CPHXL2: variants seen among roughly 807,000 people sequenced by gnomAD.
CPHXL2 encodes the protein cytoplasmic polyadenylated homeobox like 2, also known as cytoplasmic polyadenylated homeobox-like protein 2.
chr16:75,667,456 A>G, the CPHXL2 span, among the ~76,000 whole-genome samples: 1 of 152,320 alleles, frequency 6.6e-6, no homozygotes, highest in South Asian at 2.1e-4. Flanking sequence ...CAAGCAACCA[A>G]TAAATCTGCA....
the CPHXL2 span, among the ~76,000 whole-genome samples, chr16:75,664,625 CAAAAAAA>C: frequency 1.8e-5 from 2 of 113,094 alleles, no homozygotes; most frequent in Non-Finnish European, 1.7e-5. Context: ...AACTCCATCT[CAAAAAAA>C]AAAAAAAAAA....
the CPHXL2 span, among the ~76,000 whole-genome samples, chr16:75,668,387 C>A: frequency 6.6e-6 from 1 of 152,016 alleles, no homozygotes; most frequent in Non-Finnish European, 1.5e-5. Flanking sequence ...CACCACCACT[C>A]CCGGCTAATT....
chr16:75,667,341 A>T, the CPHXL2 span, among the ~76,000 whole-genome samples: 3 of 151,952 alleles, frequency 2.0e-5, no homozygotes, highest in Non-Finnish European at 4.4e-5. Context: ...TTAGAAAAAA[A>T]TTAGTAATGA....
At chr16:75,668,197 T>TTA in the CPHXL2 span, among the ~76,000 whole-genome samples, 2 of 143,572 alleles carry the variant, frequency 1.4e-5, no homozygotes, top group Non-Finnish European at 3.0e-5. Flanking sequence ...TACTGCTTAA[T>TTA]TCTCTCTCTC....
the CPHXL2 span, among the ~76,000 whole-genome samples, chr16:75,661,705 T>C: frequency 1.3e-5 from 2 of 152,232 alleles, no homozygotes; most frequent in African/African-American, 4.8e-5. Context: ...TCTGATACCA[T>C]TTCTGTTGCA....
the CPHXL2 span, among the ~76,000 whole-genome samples, chr16:75,675,980 G>A: frequency 6.6e-6 from 1 of 152,092 alleles, no homozygotes; most frequent in African/African-American, 2.4e-5. Flanking sequence ...TTGGGAGGCT[G>A]AGGCAGGAGA....
the CPHXL2 span, among the ~76,000 whole-genome samples, chr16:75,670,208 C>T: frequency 5.8e-4 from 88 of 152,244 alleles, 2 homozygotes; most frequent in South Asian, 7.7e-3. Flanking sequence ...GCCACCGCGC[C>T]GGCTGAGAAT....
chr16:75,662,290 A>G, the CPHXL2 span, among the ~76,000 whole-genome samples: 1 of 151,080 alleles, frequency 6.6e-6, no homozygotes, highest in Admixed American at 6.6e-5. Flanking sequence ...AGCTATCTGG[A>G]AGCTCCCCAA....
the CPHXL2 span, among the ~76,000 whole-genome samples, chr16:75,664,113 C>T: frequency 1.3e-5 from 2 of 152,178 alleles, no homozygotes; most frequent in Non-Finnish European, 2.9e-5. Flanking sequence ...GAAGCCCCTG[C>T]TTCCACTTGT....
the CPHXL2 span, among the ~76,000 whole-genome samples, chr16:75,670,799 A>G: frequency 2.0e-5 from 3 of 152,124 alleles, no homozygotes; most frequent in African/African-American, 7.2e-5. Context: ...GCCAGGCGTA[A>G]AATTTTATTT....
chr16:75,660,619 GTTC>G, the CPHXL2 span: 1 of 398,504 alleles, frequency 2.5e-6, no homozygotes, highest in Non-Finnish European at 4.4e-6. Context: ...TTCTGCTGCT[GTTC>G]TTGCAGCAGT....
chr16:75,669,436 T>C, the CPHXL2 span: 1 of 400,838 alleles, frequency 2.5e-6, no homozygotes, highest in Non-Finnish European at 4.4e-6. Context: ...ATAACCGTTC[T>C]CTCCAAATAT....
At chr16:75,661,151 T>G in the CPHXL2 span, 1 of 400,812 alleles carries the variant, frequency 2.5e-6, no homozygotes, top group Non-Finnish European at 4.4e-6. Context: ...GGCTTAAAAA[T>G]GGACAGGCTT....
the CPHXL2 span, among the ~76,000 whole-genome samples, chr16:75,674,948 C>T: frequency 1.1e-4 from 16 of 151,478 alleles, no homozygotes; most frequent in East Asian, 2.0e-3. Flanking sequence ...CTCAGCACTT[C>T]GGGAGGCTGA....
chr16:75,662,330 CTTTTCT>C, the CPHXL2 span, among the ~76,000 whole-genome samples: 1,650 of 143,182 alleles, frequency 0.012, 37 homozygotes, highest in African/African-American at 0.039. Context: ...CTTTTTCTTT[CTTTTCT>C]TTTTTTTTTT....
chr16:75,676,993 A>G, the CPHXL2 span: 2 of 398,500 alleles, frequency 5.0e-6, no homozygotes, highest in Non-Finnish European at 8.8e-6. Context: ...TCACCTTGGG[A>G]AGACATGTCG....
At chr16:75,668,079 C>T in the CPHXL2 span, among the ~76,000 whole-genome samples, 2 of 152,158 alleles carry the variant, frequency 1.3e-5, no homozygotes, top group African/African-American at 4.8e-5. Flanking sequence ...TCATCCACTG[C>T]TTCCAAATTT....
the CPHXL2 span, among the ~76,000 whole-genome samples, chr16:75,675,550 GT>G: frequency 2.0e-5 from 3 of 152,078 alleles, no homozygotes; most frequent in Non-Finnish European, 4.4e-5. Context: ...AAGAAAAAAT[GT>G]TTGGAAGTCT....
the CPHXL2 span, among the ~76,000 whole-genome samples, chr16:75,665,644 C>T: frequency 1.3e-5 from 2 of 152,298 alleles, no homozygotes; most frequent in South Asian, 2.1e-4. Context: ...GGGTGGATCA[C>T]TTGAGGTCAA....
Sources: gnomAD v4.1 joint callset for allele counts (sites outside exome capture counted in the v4.1 genomes callset) on GRCh38, gnomAD v4.1.1 for gene constraint, MANE v1.5 for transcripts, NCBI Gene and HGNC (gene_info 2026-07-23, HGNC 2026-07-21) for gene names.